The following PTPRT variants were observed in gnomAD, a reference collection of about 807,000 sequenced individuals.
PTPRT encodes the protein protein tyrosine phosphatase receptor type T.
A neutral mutation model predicts 176.8 loss-of-function variants in PTPRT; 56 were observed. The ratio of observed to expected loss-of-function variants is 0.32; its 90% confidence interval spans 0.26 to 0.40. The LOEUF (loss-of-function observed/expected upper bound fraction) is 0.40. Among genes scored for constraint, PTPRT ranks in the 10% least tolerant of loss-of-function variants. The pLI, the probability that PTPRT is intolerant of heterozygous loss-of-function variation, is 1.00. For synonymous variants in PTPRT, 783 were observed against 739.0 expected (o/e 1.06, Z -0.96); for missense variants, 1,540 against 1,908.2 (o/e 0.81, Z 3.60).
At chr20:42,892,967 T>A (rs2079221149) in intron 1 of PTPRT, among the ~76,000 whole-genome samples, 1 of 152,104 alleles carries the variant, frequency 6.6e-6, no homozygotes, top group African/African-American at 2.4e-5. Context: ...GTCATTGGGC[T>A]TCTCCTGGGG....
At chr20:43,167,585 G>C (rs1330588452) in intron 1 of PTPRT, among the ~76,000 whole-genome samples, 1 of 152,230 alleles carries the variant, frequency 6.6e-6, no homozygotes, top group Non-Finnish European at 1.5e-5. Flanking sequence ...CTAAGCAACA[G>C]AGCATGGTAA....
intron 1 of PTPRT, among the ~76,000 whole-genome samples, chr20:42,911,826 A>T (rs1222821913): frequency 6.6e-6 from 1 of 152,152 alleles, no homozygotes; most frequent in African/African-American, 2.4e-5. Context: ...AACATTTGGA[A>T]CCAGAATGAA....
intron 2 of PTPRT, among the ~76,000 whole-genome samples, chr20:42,882,386 C>G (rs1216052018): frequency 2.0e-5 from 3 of 152,038 alleles, no homozygotes; most frequent in Non-Finnish European, 2.9e-5. Flanking sequence ...GAAATGACAC[C>G]CTGCCATAAT....
At chr20:43,026,816 C>T (rs906019198) in intron 1 of PTPRT, among the ~76,000 whole-genome samples, 1 of 152,144 alleles carries the variant, frequency 6.6e-6, no homozygotes, top group African/African-American at 2.4e-5. Flanking sequence ...TAAGTGAGAG[C>T]ATGTGAAGTT....
chr20:42,391,714 G>A (rs867516791), intron 9 of PTPRT, among the ~76,000 whole-genome samples: 5 of 152,330 alleles, frequency 3.3e-5, no homozygotes, highest in African/African-American at 9.6e-5. Context: ...AAGACAAGAT[G>A]TTTTATTAAA....
At chr20:42,965,090 T>C (rs922920050) in intron 1 of PTPRT, among the ~76,000 whole-genome samples, 8 of 152,188 alleles carry the variant, frequency 5.3e-5, no homozygotes, top group African/African-American at 1.9e-4. Context: ...AACTCACTGC[T>C]TTTTCATATA....
rs2056502024 is a variant in PTPRT at position 42,248,870 on chromosome 20, G to A, written c.2177-48C>T. The A allele has an allele frequency of 1.9e-6, 3 of 1,599,726 alleles. No homozygotes were observed. The South Asian group carries it at 3.3e-5, about 18-fold the overall frequency. ...AGCAATGTTGAAAGCACCCAAACAT[G>A]CGACTAGACAATCATCATAATGACA... On this transcript the variant is annotated intron_variant, in intron 13 of 30. Transcript: ENST00000373187.
At chr20:42,821,032 A>G (rs1224909283) in intron 2 of PTPRT, among the ~76,000 whole-genome samples, 1 of 152,214 alleles carries the variant, frequency 6.6e-6, no homozygotes, top group Non-Finnish European at 1.5e-5. Context: ...CAAACAATTG[A>G]AAAGGAGGGA....
chr20:42,981,684 A>G (rs574512978), intron 1 of PTPRT, among the ~76,000 whole-genome samples: 1 of 152,326 alleles, frequency 6.6e-6, no homozygotes, highest in African/African-American at 2.4e-5. Flanking sequence ...CCCAGCAGAA[A>G]CTAAACAAGC....
intron 1 of PTPRT, among the ~76,000 whole-genome samples, chr20:42,946,223 G>A (rs547161720): frequency 1.3e-4 from 20 of 152,256 alleles, no homozygotes; most frequent in African/African-American, 4.6e-4. Flanking sequence ...TCTGCAACAG[G>A]TGGGCAATCC....
intron 1 of PTPRT, among the ~76,000 whole-genome samples, chr20:43,045,430 T>C (rs1193698426): frequency 6.6e-6 from 1 of 151,344 alleles, no homozygotes; most frequent in African/African-American, 2.4e-5. Flanking sequence ...CTCTAAACTC[T>C]AACTTTTTTC....
chr20:42,556,421 C>T (rs1252930950), intron 7 of PTPRT, among the ~76,000 whole-genome samples: 5 of 152,252 alleles, frequency 3.3e-5, no homozygotes, highest in African/African-American at 4.8e-5. Flanking sequence ...GGGAGCTAAG[C>T]GACTTCCTTA....
the PTPRT span, among the ~76,000 whole-genome samples, chr20:42,066,517 A>G: frequency 1.3e-5 from 2 of 152,270 alleles, no homozygotes; most frequent in South Asian, 4.2e-4. Context: ...CATAATATGA[A>G]TTAAGCTTTC....
At chr20:42,684,945 T>G (rs2075666180) in intron 6 of PTPRT, among the ~76,000 whole-genome samples, 1 of 152,172 alleles carries the variant, frequency 6.6e-6, no homozygotes, top group African/African-American at 2.4e-5. Context: ...CTGACTGCCC[T>G]TAGTGTTCTA....
At chr20:43,089,611 C>T (rs546683151) in intron 1 of PTPRT, among the ~76,000 whole-genome samples, 6 of 152,242 alleles carry the variant, frequency 3.9e-5, no homozygotes, top group South Asian at 4.1e-4. Flanking sequence ...GTAGCAGAAC[C>T]AGGGCAAATG....
rs1278267054 is a variant in PTPRT, at chr20:42,402,437, TCA to T, written c.1560+45781_1560+45782del. 1.4e-4 allele frequency among the ~76,000 whole-genome samples: 19 copies of T among 137,634 alleles called. 1 individual carries two copies. The highest frequency in any genetic ancestry group is 5.3e-4 in the African/African-American group (19 of 36,028). The allele number at this position is 137,634 out of a possible 152,430, so 90.3% of individuals were successfully genotyped here. On this transcript the variant is annotated intron_variant, in intron 9 of 30. Coordinates refer to ENST00000373187, the MANE Select transcript of PTPRT (RefSeq NM_007050.6). ...GAAAAATGCAAAGAAATTTATATGA[TCA>T]TTCTCAGAAAGATGCCCTGTTTGCT...
chr20:42,228,640 T>C (rs555350048), intron 15 of PTPRT, among the ~76,000 whole-genome samples: 1 of 152,342 alleles, frequency 6.6e-6, no homozygotes, highest in South Asian at 2.1e-4. Flanking sequence ...TGAACATGGA[T>C]ATTAACTAAC....
At chr20:42,621,995 G>A (rs1020413225) in intron 7 of PTPRT, among the ~76,000 whole-genome samples, 1 of 152,160 alleles carries the variant, frequency 6.6e-6, no homozygotes, top group Non-Finnish European at 1.5e-5. Context: ...GTATTTCATA[G>A]TTCTCTAAAA....
At chr20:42,663,974 GA>G (rs1158067904) in intron 7 of PTPRT, among the ~76,000 whole-genome samples, 4 of 151,910 alleles carry the variant, frequency 2.6e-5, no homozygotes, top group Non-Finnish European at 5.9e-5. Flanking sequence ...TATTTTGCTA[GA>G]AAAAAAATTA....
Sources: allele counts gnomAD v4.1 joint callset (sites outside exome capture counted in the v4.1 genomes callset), GRCh38; gene constraint gnomAD v4.1.1; transcripts MANE v1.5; gene names NCBI Gene and HGNC (gene_info 2026-07-23, HGNC 2026-07-21).